The following MAP4K3 variants were observed in gnomAD, a reference collection of about 807,000 sequenced individuals.
MAP4K3 encodes the protein MAPK/ERK kinase kinase kinase 3.
Under a neutral mutation model 143.5 loss-of-function variants are expected in MAP4K3, and 94 were observed. The ratio of observed to expected loss-of-function variants is 0.65; its 90% CI spans 0.55 to 0.78. The LOEUF (loss-of-function observed/expected upper bound fraction) is 0.78, where lower values mean the gene tolerates loss of function less well. Among genes scored for constraint, MAP4K3 ranks in the 30% least tolerant of loss-of-function variants. The probability of loss-of-function intolerance (pLI) is 0.00; values close to 1 mark genes in which losing one functional copy is unlikely to be tolerated. For synonymous variants in MAP4K3, 416 were observed against 347.2 expected, an observed-to-expected ratio of 1.20 and a Z score of -2.20; for missense variants, 1,077 against 1,068.1, an observed-to-expected ratio of 1.01 and a Z score of -0.12.
At chr2:39,324,827 A>G (rs1444789296) in intron 12 of MAP4K3, among the ~76,000 whole-genome samples, 1 of 152,310 alleles carries the variant, frequency 6.6e-6, no homozygotes, top group South Asian at 2.1e-4. Context: ...AGCTTCCATT[A>G]ATATCAATGC....
At chr2:39,254,339 G>A (rs1248400447) in intron 32 of MAP4K3, 111 bp downstream of exon 32, 2 of 804,712 alleles carry the variant, frequency 2.5e-6, no homozygotes, top group African/African-American at 1.7e-5. Context: ...AATACAGTAA[G>A]TATTAATAAA....
chr2:39,341,987 C>T (rs1253998065), intron 4 of MAP4K3, among the ~76,000 whole-genome samples: 1 of 152,016 alleles, frequency 6.6e-6, no homozygotes, highest in Non-Finnish European at 1.5e-5. Context: ...TTCACCTGGT[C>T]TTCAAGGCTC....
chr2:39,290,253 TA>T, intron 19 of MAP4K3, 38 bp downstream of exon 19: 1 of 1,506,016 alleles, frequency 6.6e-7, no homozygotes, highest in Non-Finnish European at 9.1e-7. Context: ...GGCAGAACAA[TA>T]ACACACATAT....
At chr2:39,281,518 TTCTG>T (rs1558619407) in intron 22 of MAP4K3, among the ~76,000 whole-genome samples, 1 of 152,102 alleles carries the variant, frequency 6.6e-6, no homozygotes, top group East Asian at 1.9e-4. Flanking sequence ...CTACGGAAAT[TTCTG>T]TGTTAGGGTA....
At chr2:39,266,840 A>G (rs1680785982) in intron 27 of MAP4K3, among the ~76,000 whole-genome samples, 1 of 152,028 alleles carries the variant, frequency 6.6e-6, no homozygotes, top group African/African-American at 2.4e-5. Context: ...CTCACAAGCC[A>G]TTGCTAAGCA....
At chr2:39,265,379 A>C (rs1558608517) in intron 27 of MAP4K3, 73 bp from the exon 28 acceptor site, 9 of 914,086 alleles carry the variant, frequency 9.8e-6, no homozygotes, top group Non-Finnish European at 1.4e-5. Flanking sequence ...ATGCTCAAAA[A>C]AACAAACAAA....
At chr2:39,389,742 A>C (rs1055269219) in intron 1 of MAP4K3, among the ~76,000 whole-genome samples, 3 of 152,222 alleles carry the variant, frequency 2.0e-5, no homozygotes, top group Non-Finnish European at 4.4e-5. Flanking sequence ...GCTCACTGCC[A>C]AAAGATGTGC....
chr2:39,333,881 T>C (rs958180363), intron 6 of MAP4K3, among the ~76,000 whole-genome samples: 1 of 152,040 alleles, frequency 6.6e-6, no homozygotes, highest in African/African-American at 2.4e-5. Context: ...TCAAACACTA[T>C]CACCACACTA....
At chr2:39,386,984 T>C (rs1666523069) in intron 1 of MAP4K3, among the ~76,000 whole-genome samples, 1 of 152,104 alleles carries the variant, frequency 6.6e-6, no homozygotes, top group African/African-American at 2.4e-5. Flanking sequence ...TAGCTAATTT[T>C]TGTATTTTCA....
chr2:39,270,714 A>T (rs148711661), intron 26 of MAP4K3, among the ~76,000 whole-genome samples: 65 of 152,312 alleles, frequency 4.3e-4, no homozygotes, highest in Admixed American at 7.8e-4. Flanking sequence ...TACAATGAGT[A>T]CCTATCTTCA....
chr2:39,373,541 G>A lies in MAP4K3; in HGVS notation c.154+4525C>T, dbSNP rs532761824. ...ACCAAGATTTGGAAGCAACCTAAGTGTCCATCAACAGATGAATGAAGAAAG... is the reference window on the plus strand; with the variant it reads ...ACCAAGATTTGGAAGCAACCTAAGTATCCATCAACAGATGAATGAAGAAAG... On this transcript the variant is annotated intron_variant, in intron 2 of 33. Coordinates refer to ENST00000263881, the MANE Select transcript of MAP4K3 (RefSeq NM_003618.4). Among the ~76,000 whole-genome samples the A allele has an allele frequency of 3.9e-5, 6 of 152,294 alleles. No individual in the cohort carries two copies. In the East Asian group the frequency reaches 7.7e-4, roughly 20 times the overall value.
chr2:39,395,200 AC>A (rs1022208865), intron 1 of MAP4K3, among the ~76,000 whole-genome samples: 1 of 152,202 alleles, frequency 6.6e-6, no homozygotes, highest in Non-Finnish European at 1.5e-5. Context: ...TGTGCAATAA[AC>A]CCACCTGCAA....
At position 39,288,208 on chromosome 2, in the gene MAP4K3, G is replaced by A; in HGVS notation, c.1387C>T (p.Pro463Ser). The A allele has an allele frequency of 5.6e-6, 9 of 1,613,968 alleles. No homozygotes were observed. Among genetic ancestry groups the A allele is most frequent in the Non-Finnish European group, 7.6e-6 (9 of 1,179,930 alleles). Residue 463 changes from proline to serine, a missense_variant, in exon 20 of 34, where the codon CCC becomes TCC. By Grantham distance (74) the Pro-to-Ser change is moderately conservative. Around this residue, in one of 2 missense-constraint regions of MAP4K3, gnomAD observed 864 missense variants for 801.2 expected, o/e 1.08. Coordinates refer to ENST00000263881, the MANE Select transcript of MAP4K3 (RefSeq NM_003618.4). ...GGCTTTGCTGGGCTCCCTGACATGG[G>A]ACATCTCTTGATTGTTCCTTGATTT... is the stretch of plus-strand genomic sequence containing the variant. ...DENQGTIKRC[P>S]MSGSPAKPSQ...
intron 1 of MAP4K3, among the ~76,000 whole-genome samples, chr2:39,399,784 T>C (rs1666904834): frequency 2.0e-5 from 3 of 152,212 alleles, no homozygotes; most frequent in Admixed American, 2.0e-4. Context: ...TAAGGGCTCC[T>C]GTTACAAGCA....
chr2:39,399,204 T>C (rs767346443), intron 1 of MAP4K3, among the ~76,000 whole-genome samples: 1 of 152,180 alleles, frequency 6.6e-6, no homozygotes, highest in African/African-American at 2.4e-5. Context: ...AAAAGCCACA[T>C]TGTTTACCTT....
intron 4 of MAP4K3, among the ~76,000 whole-genome samples, chr2:39,340,637 T>C (rs949769723): frequency 6.6e-6 from 1 of 152,066 alleles, no homozygotes; most frequent in Non-Finnish European, 1.5e-5. Flanking sequence ...ACCAATCATA[T>C]GGATATATGA....
chr2:39,348,650 C>T (rs1414755893), intron 3 of MAP4K3, among the ~76,000 whole-genome samples: 1 of 152,128 alleles, frequency 6.6e-6, no homozygotes, highest in East Asian at 1.9e-4. Context: ...AAATTAACCA[C>T]TGAAGTAAAT....
At chr2:39,433,312 A>G (rs1478279227) in intron 1 of MAP4K3, among the ~76,000 whole-genome samples, 1 of 152,162 alleles carries the variant, frequency 6.6e-6, no homozygotes, top group East Asian at 1.9e-4. Flanking sequence ...TTCCTCAGAA[A>G]CCATATTGAG....
At chr2:39,300,429 T>C (rs775336032) in intron 15 of MAP4K3, among the ~76,000 whole-genome samples, 14 of 152,204 alleles carry the variant, frequency 9.2e-5, no homozygotes, top group African/African-American at 2.2e-4. Flanking sequence ...CTGTGGGTTA[T>C]AGAGTGTTAA....
Sources: allele counts gnomAD v4.1 joint callset (sites outside exome capture counted in the v4.1 genomes callset), GRCh38; gene constraint gnomAD v4.1.1; regional missense constraint gnomAD v4.1.1; transcripts MANE v1.5; gene names NCBI Gene and HGNC (gene_info 2026-07-23, HGNC 2026-07-21).